NANS: variants seen among roughly 807,000 people sequenced by gnomAD.
The protein encoded by NANS is N-acetylneuraminate-9-phosphate synthase.
In NANS, 29 loss-of-function variants were observed where a neutral mutation model predicts 33.3. The observed-to-expected ratio is 0.87, with a 90% CI of 0.65 to 1.19. NANS has a LOEUF of 1.19. Among genes scored for constraint, NANS ranks in the 50% most tolerant of loss-of-function variants. The pLI is 0.00. For synonymous variants in NANS, 163 were observed against 177.2 expected, an observed-to-expected ratio of 0.92 and a Z score of 0.64; for missense variants, 394 against 461.1, an observed-to-expected ratio of 0.85 and a Z score of 1.33.
intron 2 of NANS, among the ~76,000 whole-genome samples, chr9:98,072,210 G>A (rs1008645127): frequency 3.9e-5 from 6 of 152,190 alleles, no homozygotes; most frequent in Admixed American, 2.0e-4. Flanking sequence ...GCTATCTGGA[G>A]GATTCAGGGA....
Position 98,080,874 on chromosome 9 carries a change from T to C in NANS, c.662T>C (p.Ile221Thr), listed in dbSNP as rs1829821807. ...PIGYSGHETG[I>T]AISVAAVALG... ...GGGTATTCTGGGCATGAAACAGGCA[T>C]AGCGATATCTGTGGCCGCAGTGGCT... The change falls in exon 5 of 6, where the codon ATA becomes ACA. Residue 221 changes from isoleucine to threonine, a missense_variant. By Grantham distance (89) the Ile-to-Thr change is moderately conservative (BLOSUM62 -1). Transcript: ENST00000210444. 2.5e-6 allele frequency: 4 copies of C among 1,613,800 alleles called. No homozygotes were observed. Among genetic ancestry groups the C allele is most frequent in the African/African-American group, 1.3e-5 (1 of 74,938 alleles).
At chr9:98,081,936 G>C (rs922395600) in intron 5 of NANS, 11 of 152,208 alleles carry the variant, frequency 7.2e-5, no homozygotes, top group African/African-American at 2.4e-4. Flanking sequence ...ACCAGAGTAA[G>C]ATTTATAACA....
At chr9:98,082,595 C>T (rs977678358) in intron 5 of NANS, among the ~76,000 whole-genome samples, 1 of 152,234 alleles carries the variant, frequency 6.6e-6, no homozygotes, top group Non-Finnish European at 1.5e-5. Flanking sequence ...GAACCTGGCT[C>T]CGCCTACATA....
At chr9:98,076,627 G>A (rs541914206) in intron 2 of NANS, 25 of 335,390 alleles carry the variant, frequency 7.5e-5, no homozygotes, top group Admixed American at 7.1e-4. Flanking sequence ...TGCCCGCCTC[G>A]GCCTCCCAAA....
rs146299491 is a variant in NANS at position 98,078,326 on chromosome 9, C to T, written c.582C>T (p.Asp194=). Residue 194 remains aspartate (D), a synonymous_variant, in exon 4 of 6, where the codon GAC becomes GAT. Coordinates refer to ENST00000210444, the MANE Select transcript of NANS (RefSeq NM_018946.4). ...CTSAYPLQPE[D]VNLRVISEYQ... Reference sequence around the variant, plus strand: ...GCGCATACCCGCTCCAGCCTGAGGACGTCAACCTGCGGGTCATCTCGGTGA... The same window carrying T: ...GCGCATACCCGCTCCAGCCTGAGGATGTCAACCTGCGGGTCATCTCGGTGA... 6.2e-6 allele frequency: 10 copies of T among 1,613,830 alleles called. No individual in the cohort carries two copies. In the African/African-American group the frequency reaches 8.0e-5, roughly 13 times the overall value.
chr9:98,071,631 G>A (rs1187169991), intron 2 of NANS, among the ~76,000 whole-genome samples: 1 of 152,212 alleles, frequency 6.6e-6, no homozygotes, highest in Non-Finnish European at 1.5e-5. Context: ...CTGGGTACTT[G>A]TCCTGGCTTT....
chr9:98,063,473 C>A (rs1380414075), intron 2 of NANS, among the ~76,000 whole-genome samples: 1 of 152,060 alleles, frequency 6.6e-6, no homozygotes, highest in Non-Finnish European at 1.5e-5. Context: ...AACTTTTGAC[C>A]TCAGGTTATC....
chr9:98,076,377 ATTCTT>A (rs1829592329), intron 2 of NANS: 1 of 151,868 alleles, frequency 6.6e-6, no homozygotes, highest in Non-Finnish European at 1.5e-5. Flanking sequence ...TCTTTTCCAG[ATTCTT>A]TTTTTTTTTT....
chr9:98,077,029 AT>A lies in NANS; in HGVS notation c.448+17del. ...GACAGCCAAAAAAGGTAAGTGTCTA[AT>A]TTTTGACTTAAAATCGAAGGGAGTC... On this transcript the variant is annotated intron_variant, in intron 3 of 5. Transcript: ENST00000210444. The A allele has an allele frequency of 6.3e-7, 1 of 1,588,762 alleles. No individual in the cohort carries two copies. The highest frequency in any genetic ancestry group is 8.6e-7 in the Non-Finnish European group (1 of 1,162,744).
Position 98,077,034 on chromosome 9 carries a change from T to A in NANS, c.448+17T>A. 1 of 1,581,362 alleles carries A rather than the reference T, an allele frequency of 6.3e-7. No individual in the cohort carries two copies. Among genetic ancestry groups the A allele is most frequent in the Non-Finnish European group, 8.6e-7 (1 of 1,156,870 alleles). On this transcript the variant is annotated intron_variant, in intron 3 of 5. Transcript: ENST00000210444. The stretch of plus-strand genomic sequence containing the variant: ...CCAAAAAAGGTAAGTGTCTAATTTT[T>A]GACTTAAAATCGAAGGGAGTCCAAA...
At chr9:98,060,346 G>A (rs1828937900) in intron 1 of NANS, among the ~76,000 whole-genome samples, 2 of 152,088 alleles carry the variant, frequency 1.3e-5, no homozygotes, top group African/African-American at 4.8e-5. Context: ...AGGTCCTTAA[G>A]GTCTCTGTCA....
intron 5 of NANS, chr9:98,081,727 C>T (rs1829871857): frequency 6.6e-6 from 1 of 152,372 alleles, no homozygotes; most frequent in South Asian, 2.1e-4. Flanking sequence ...GGCTGCCAGG[C>T]ACACACACAC....
Position 98,083,017 on chromosome 9 carries a change from G to T in NANS, c.1042G>T (p.Glu348Ter). ...TVEEDDTIME[E>*]LVDNHGKKIK... ...TGAAGAGGATGACACCATCATGGAA[G>T]AATTGGTAGATAATCATGGCAAAAA... The change falls in exon 6 of 6, where the codon GAA becomes TAA. Residue 348 changes from glutamate to a stop codon, truncating the protein, a stop_gained. Coordinates refer to ENST00000210444, the MANE Select transcript of NANS (RefSeq NM_018946.4). LOFTEE classifies it high-confidence loss of function. The T allele has an allele frequency of 1.2e-6, 2 of 1,614,198 alleles. No homozygotes were observed. Among genetic ancestry groups the T allele is most frequent in the Non-Finnish European group, 1.7e-6 (2 of 1,180,040 alleles).
At chr9:98,066,228 C>T (rs759343396) in intron 2 of NANS, among the ~76,000 whole-genome samples, 4 of 152,154 alleles carry the variant, frequency 2.6e-5, no homozygotes, top group Non-Finnish European at 4.4e-5. Context: ...TATATGAAGG[C>T]GGTTTCCAAA....
intron 1 of NANS, among the ~76,000 whole-genome samples, chr9:98,059,782 T>C (rs1355445516): frequency 4.6e-5 from 7 of 152,094 alleles, no homozygotes; most frequent in African/African-American, 1.7e-4. Flanking sequence ...TTGCCTCTGC[T>C]CAGTAGAAGT....
At chr9:98,073,717 C>T (rs570190658) in intron 2 of NANS, among the ~76,000 whole-genome samples, 48 of 152,256 alleles carry the variant, frequency 3.2e-4, no homozygotes, top group African/African-American at 1.1e-3. Flanking sequence ...CAGAGTGTCC[C>T]ACAGGACACA....
At chr9:98,070,787 G>T (rs1002630398) in intron 2 of NANS, among the ~76,000 whole-genome samples, 5 of 150,438 alleles carry the variant, frequency 3.3e-5, no homozygotes, top group African/African-American at 9.9e-5. Flanking sequence ...AAATAAAAAA[G>T]ATCTGCAGAC....
At chr9:98,079,883 A>C (rs1829775558) in intron 4 of NANS, among the ~76,000 whole-genome samples, 1 of 152,180 alleles carries the variant, frequency 6.6e-6, no homozygotes, top group Admixed American at 6.5e-5. Flanking sequence ...CCTGGTTTTC[A>C]AGGCCTTTGC....
chr9:98,065,640 C>CTTT (rs751144623), intron 2 of NANS, among the ~76,000 whole-genome samples: 8 of 143,920 alleles, frequency 5.6e-5, no homozygotes, highest in African/African-American at 2.0e-4. Context: ...CATCCAGCTG[C>CTTT]TTTTTTTTTT....
Sources: allele counts gnomAD v4.1 joint callset (sites outside exome capture counted in the v4.1 genomes callset), GRCh38; gene constraint gnomAD v4.1.1; transcripts MANE v1.5; gene names NCBI Gene and HGNC (gene_info 2026-07-23, HGNC 2026-07-21).